Variants in ELOVL6 observed in about 807,000 individuals in gnomAD.
ELOVL6 encodes the protein ELOVL fatty acid elongase 6.
ELOVL6 carries 8 observed loss-of-function variants against 31.7 expected under a neutral mutation model. The ratio of observed to expected loss-of-function variants is 0.25; its 90% CI spans 0.15 to 0.45. ELOVL6 has a LOEUF of 0.45. Ranked by LOEUF, ELOVL6 falls within the 20% of genes least tolerant of loss-of-function variation. The pLI is 1.00. For missense variants in ELOVL6, 126 were observed against 326.4 expected (o/e 0.39, Z 4.73); for synonymous variants, 101 against 117.7 (o/e 0.86, Z 0.92).
At chr4:110,107,999 GTTATC>G (rs981459133) in intron 1 of ELOVL6, among the ~76,000 whole-genome samples, 5 of 152,128 alleles carry the variant, frequency 3.3e-5, no homozygotes, top group African/African-American at 1.2e-4. Context: ...TACTTGAAGT[GTTATC>G]TTATAAGCTG....
chr4:110,053,933 C>T (rs1220317298), intron 3 of ELOVL6, among the ~76,000 whole-genome samples: 1 of 149,036 alleles, frequency 6.7e-6, no homozygotes, highest in Non-Finnish European at 1.5e-5. Context: ...AGTGAGACTC[C>T]ATCTCAAAAA....
chr4:110,146,043 A>G (rs1758100493), intron 1 of ELOVL6, among the ~76,000 whole-genome samples: 1 of 152,214 alleles, frequency 6.6e-6, no homozygotes, highest in Non-Finnish European at 1.5e-5. Context: ...AAATAGCTAA[A>G]GCAATAGCAG....
intron 2 of ELOVL6, among the ~76,000 whole-genome samples, chr4:110,064,302 G>C (rs1310353876): frequency 6.6e-6 from 1 of 151,762 alleles, no homozygotes; most frequent in Non-Finnish European, 1.5e-5. Flanking sequence ...TCCTGCACTG[G>C]ATTCCTAATC....
At chr4:110,052,462 C>A (rs977048270) in intron 3 of ELOVL6, among the ~76,000 whole-genome samples, 37 of 152,132 alleles carry the variant, frequency 2.4e-4, no homozygotes, top group Non-Finnish European at 4.9e-4. Flanking sequence ...ATATTTTATA[C>A]CAGTGAATCA....
At chr4:110,089,625 T>C (rs1022680744) in intron 2 of ELOVL6, among the ~76,000 whole-genome samples, 1 of 152,236 alleles carries the variant, frequency 6.6e-6, no homozygotes, top group Non-Finnish European at 1.5e-5. Flanking sequence ...CATGCTATTT[T>C]TGAGATGCAG....
intron 2 of ELOVL6, among the ~76,000 whole-genome samples, chr4:110,090,604 T>TTTTTTTC (rs1756395437): frequency 7.2e-6 from 1 of 139,576 alleles, no homozygotes; most frequent in African/African-American, 2.8e-5. Flanking sequence ...GACTTTCTTT[T>TTTTTTTC]TTTTTTTTTT....
At chr4:110,059,847 G>A in intron 2 of ELOVL6, 93 bp from the exon 3 acceptor site, 1 of 1,045,804 alleles carries the variant, frequency 9.6e-7, no homozygotes, top group Non-Finnish European at 1.4e-6. Flanking sequence ...GCCACTGGCA[G>A]GAAATAGGCA....
intron 2 of ELOVL6, among the ~76,000 whole-genome samples, chr4:110,061,981 TAAGGTATTCACAC>T (rs1344056304): frequency 6.6e-6 from 1 of 152,212 alleles, no homozygotes; most frequent in African/African-American, 2.4e-5. Flanking sequence ...TCCCAATTTC[TAAGGTATTCACAC>T]AAGTTCATTT....
intron 1 of ELOVL6, among the ~76,000 whole-genome samples, chr4:110,193,169 C>T (rs1759672574): frequency 6.6e-6 from 1 of 152,174 alleles, no homozygotes; most frequent in Admixed American, 6.5e-5. Context: ...CATTATGCTG[C>T]TATATTTTTT....
intron 1 of ELOVL6, among the ~76,000 whole-genome samples, chr4:110,120,503 A>G (rs1241354686): frequency 1.3e-5 from 2 of 152,178 alleles, no homozygotes; most frequent in Non-Finnish European, 2.9e-5. Flanking sequence ...AGCTCTTCAC[A>G]TAGCTCTCCT....
At chr4:110,063,202 T>C (rs923377895) in intron 2 of ELOVL6, among the ~76,000 whole-genome samples, 10 of 152,238 alleles carry the variant, frequency 6.6e-5, no homozygotes, top group Non-Finnish European at 1.2e-4. Context: ...ATTGTTCACA[T>C]TATTCCTATT....
chr4:110,094,063 G>A (rs1439696776), intron 2 of ELOVL6, among the ~76,000 whole-genome samples: 1 of 151,374 alleles, frequency 6.6e-6, no homozygotes, highest in East Asian at 2.0e-4. Flanking sequence ...CAGCCTGGCC[G>A]ACATGGCAAA....
intron 2 of ELOVL6, among the ~76,000 whole-genome samples, chr4:110,061,204 C>G (rs76296380): frequency 6.6e-6 from 1 of 152,052 alleles, no homozygotes; most frequent in East Asian, 1.9e-4. Context: ...TTATCAGGAC[C>G]GACAAGGCCT....
chr4:110,158,817 T>C (rs1014521603), intron 1 of ELOVL6, among the ~76,000 whole-genome samples: 6 of 151,658 alleles, frequency 4.0e-5, no homozygotes, highest in African/African-American at 1.5e-4. Flanking sequence ...CATGCCACTA[T>C]GCCCGGCTAA....
At chr4:110,107,233 C>T (rs962203490) in intron 1 of ELOVL6, among the ~76,000 whole-genome samples, 9 of 152,178 alleles carry the variant, frequency 5.9e-5, no homozygotes, top group Non-Finnish European at 1.2e-4. Context: ...AGCAATGATT[C>T]CAGAAATCAA....
At chr4:110,136,197 C>G (rs1025657600) in intron 1 of ELOVL6, among the ~76,000 whole-genome samples, 1 of 152,130 alleles carries the variant, frequency 6.6e-6, no homozygotes. Flanking sequence ...TTTGACATAT[C>G]ATGAGTGACT....
At chr4:110,095,964 C>A (rs938334373) in intron 2 of ELOVL6, among the ~76,000 whole-genome samples, 1 of 152,134 alleles carries the variant, frequency 6.6e-6, no homozygotes, top group South Asian at 2.1e-4. Flanking sequence ...AAAGGAGAAC[C>A]AGTTTGGATA....
At chr4:110,107,849 A>C (rs1429469104) in intron 1 of ELOVL6, among the ~76,000 whole-genome samples, 1 of 152,182 alleles carries the variant, frequency 6.6e-6, no homozygotes, top group Non-Finnish European at 1.5e-5. Flanking sequence ...CTATGGGTAG[A>C]CATAATGCCA....
chr4:110,056,864 C>T (rs1755000028), intron 3 of ELOVL6, among the ~76,000 whole-genome samples: 1 of 152,062 alleles, frequency 6.6e-6, no homozygotes, highest in African/African-American at 2.4e-5. Flanking sequence ...ATTACAATGT[C>T]CGCTATGAGG....
Sources: allele counts gnomAD v4.1 joint callset (sites outside exome capture counted in the v4.1 genomes callset), GRCh38; gene constraint gnomAD v4.1.1; transcripts MANE v1.5; gene names NCBI Gene and HGNC (gene_info 2026-07-23, HGNC 2026-07-21).